The following SNX29 variants were observed in gnomAD, a reference collection of about 807,000 sequenced individuals.
SNX29 encodes the protein sorting nexin 29, also known as sorting nexin-29.
In SNX29, 78 loss-of-function variants were observed where a neutral mutation model predicts 102.1. The ratio of observed to expected loss-of-function variants is 0.76; its 90% CI spans 0.64 to 0.92. The LOEUF (loss-of-function observed/expected upper bound fraction) is 0.92. SNX29 is among the 40% of genes least tolerant of loss of function. The pLI, the probability that SNX29 is intolerant of heterozygous loss-of-function variation, is 0.00. For missense variants in SNX29, 1,280 were observed against 1,061.7 expected (o/e 1.21, Z -2.86); for synonymous variants, 580 against 414.5 (o/e 1.40, Z -4.85).
chr16:12,541,939 C>A (rs147445255), intron 20 of SNX29, among the ~76,000 whole-genome samples: 1 of 152,172 alleles, frequency 6.6e-6, no homozygotes, highest in Non-Finnish European at 1.5e-5. Flanking sequence ...CATCCTGGGC[C>A]CACACAAGAG....
At chr16:12,235,857 T>C (rs1170645424) in intron 14 of SNX29, among the ~76,000 whole-genome samples, 1 of 151,762 alleles carries the variant, frequency 6.6e-6, no homozygotes, top group East Asian at 1.9e-4. Flanking sequence ...GACATAAAAA[T>C]CACAGTTCTT....
intron 14 of SNX29, among the ~76,000 whole-genome samples, chr16:12,241,269 T>G (rs563604399): frequency 6.6e-6 from 1 of 152,236 alleles, no homozygotes; most frequent in Non-Finnish European, 1.5e-5. Flanking sequence ...TTCATTGTTG[T>G]GAACAAAAAA....
At chr16:12,515,830 A>G (rs989259661) in intron 19 of SNX29, among the ~76,000 whole-genome samples, 1 of 152,156 alleles carries the variant, frequency 6.6e-6, no homozygotes. Flanking sequence ...TGCAGGAGCC[A>G]GCACAATTAA....
intron 20 of SNX29, chr16:12,561,106 C>T (rs1177322297): frequency 2.6e-5 from 6 of 227,092 alleles, no homozygotes; most frequent in Non-Finnish European, 4.4e-5. Context: ...AATTAGATTT[C>T]ACGGGGCACC....
rs768527158 is a variant in SNX29, at chr16:12,403,429, C to G, written c.1956-19C>G. On this transcript the variant is annotated intron_variant, in intron 17 of 20. Coordinates refer to ENST00000566228, the MANE Select transcript of SNX29 (RefSeq NM_032167.5). ...GTTAAAATGTCTAATGTTGGTCTCT[C>G]TCTCTTCCTTTTGGTTAGATCAAAC... The G allele has an allele frequency of 1.9e-6, 3 of 1,592,852 alleles. No homozygotes were observed. The highest frequency in any genetic ancestry group is 2.3e-5 in the East Asian group (1 of 44,270).
intron 18 of SNX29, among the ~76,000 whole-genome samples, chr16:12,411,313 A>G (rs965914562): frequency 3.3e-5 from 5 of 152,198 alleles, no homozygotes; most frequent in East Asian, 1.9e-4. Flanking sequence ...TTGCAGGCCA[A>G]GCCAGACCAG....
chr16:12,431,806 C>T (rs4780435), intron 18 of SNX29, among the ~76,000 whole-genome samples: 62,617 of 152,030 alleles, frequency 0.41, 13,191 homozygotes, highest in Non-Finnish European at 0.46. Flanking sequence ...GTAATGCTCA[C>T]GACATAGCTT....
chr16:12,400,370 T>C (rs964288788), intron 17 of SNX29, among the ~76,000 whole-genome samples: 2 of 152,228 alleles, frequency 1.3e-5, no homozygotes, highest in Non-Finnish European at 2.9e-5. Flanking sequence ...GCCTCTGTGC[T>C]GGACACTGTT....
At chr16:12,092,026 G>A (rs1023420916) in intron 11 of SNX29, among the ~76,000 whole-genome samples, 5 of 152,126 alleles carry the variant, frequency 3.3e-5, no homozygotes, top group African/African-American at 1.2e-4. Context: ...TCCTGCAAGA[G>A]GCCCTCTTTC....
At chr16:12,380,705 A>AACCATCAATTCCATCCCCCC (rs2083068667) in intron 16 of SNX29, among the ~76,000 whole-genome samples, 1 of 34,918 alleles carries the variant, frequency 2.9e-5, no homozygotes, top group Non-Finnish European at 5.7e-5. Context: ...TCCACCCACC[A>AACCATCAATTCCATCCCCCC]ACCATCAATT....
chr16:12,504,118 C>A (rs1175820620), intron 19 of SNX29, among the ~76,000 whole-genome samples: 1 of 152,122 alleles, frequency 6.6e-6, no homozygotes, highest in Non-Finnish European at 1.5e-5. Flanking sequence ...TAAGGATCTC[C>A]CTGTTCTGAA....
At chr16:12,568,307 A>C (rs995280647) in intron 20 of SNX29, among the ~76,000 whole-genome samples, 199 bp from the exon 21 acceptor site, 3 of 151,062 alleles carry the variant, frequency 2.0e-5, no homozygotes, top group Admixed American at 6.6e-5. Flanking sequence ...GTGCTGTTAA[A>C]AAAAAAAAAA....
intron 20 of SNX29, among the ~76,000 whole-genome samples, chr16:12,534,833 T>G (rs973627966): frequency 2.6e-5 from 4 of 151,762 alleles, no homozygotes; most frequent in African/African-American, 9.7e-5. Context: ...CAGCTGGGAG[T>G]GAATGCAGAC....
chr16:12,500,110 G>C (rs2089040640), intron 19 of SNX29, among the ~76,000 whole-genome samples: 1 of 152,160 alleles, frequency 6.6e-6, no homozygotes. Context: ...TCCTACCTCA[G>C]CCTCCTGAGC....
At chr16:12,448,737 C>A (rs58757367) in intron 18 of SNX29, among the ~76,000 whole-genome samples, 259 of 152,302 alleles carry the variant, frequency 1.7e-3, no homozygotes, top group African/African-American at 6.2e-3. Context: ...CTGAGACTTT[C>A]CCTGAAGTGT....
chr16:12,426,084 AT>A (rs530487278), intron 18 of SNX29, among the ~76,000 whole-genome samples: 3,279 of 147,264 alleles, frequency 0.022, 49 homozygotes, highest in African/African-American at 0.035. Context: ...TAGTTATCTT[AT>A]TTTTTTTTTT....
chr16:12,552,682 C>G (rs28613442), intron 20 of SNX29, among the ~76,000 whole-genome samples: 2 of 152,144 alleles, frequency 1.3e-5, no homozygotes, highest in Non-Finnish European at 2.9e-5. Context: ...AGGGCGTTTA[C>G]AAGGGTCGGG....
Position 12,476,483 on chromosome 16 carries a change from A to C in SNX29, c.2038-1236A>C, listed in dbSNP as rs1210298204. ...TCAGTTGCTCATAAAAGACCCCTAA[A>C]ACATTAGCTTGAACAAATTAGAGAT... is the stretch of plus-strand genomic sequence containing the variant. On this transcript the variant is annotated intron_variant, in intron 18 of 20. Transcript: ENST00000566228. 2.3e-5 allele frequency among the ~76,000 whole-genome samples: 3 copies of C among 130,844 alleles called. No individual in the cohort carries two copies. The South Asian group carries it at 7.9e-4, about 35-fold the overall frequency. The allele number at this position is 130,844 out of a possible 152,430, so 85.8% of individuals were successfully genotyped here. A position where few individuals can be genotyped will look rare whatever the true frequency, so the allele number is the denominator to read the frequency against.
intron 20 of SNX29, among the ~76,000 whole-genome samples, chr16:12,562,144 A>C (rs926876382): frequency 1.3e-5 from 2 of 152,150 alleles, no homozygotes; most frequent in East Asian, 1.9e-4. Flanking sequence ...GGCTCTGGCA[A>C]TACCAGGTCT....
Sources: allele counts gnomAD v4.1 joint callset (sites outside exome capture counted in the v4.1 genomes callset), GRCh38; gene constraint gnomAD v4.1.1; transcripts MANE v1.5; gene names NCBI Gene and HGNC (gene_info 2026-07-23, HGNC 2026-07-21).